Variants in SP140L observed in about 807,000 individuals in gnomAD.
SP140L encodes the protein nuclear body protein SP140-like protein.
Under a neutral mutation model 84.3 loss-of-function variants are expected in SP140L, and 64 were observed. That is an observed-to-expected ratio of 0.76 (90% CI 0.62 to 0.94). SP140L has a LOEUF of 0.94. Among genes scored for constraint, SP140L ranks in the 40% least tolerant of loss-of-function variants. The probability of loss-of-function intolerance (pLI) is 0.00; values close to 1 mark genes in which losing one functional copy is unlikely to be tolerated. For synonymous variants in SP140L, 242 were observed against 236.9 expected (o/e 1.02, Z -0.20); for missense variants, 628 against 692.5 (o/e 0.91, Z 1.05).
intron 5 of SP140L, among the ~76,000 whole-genome samples, chr2:230,367,690 G>A (rs1416395862): frequency 6.6e-6 from 1 of 152,210 alleles, no homozygotes; most frequent in African/African-American, 2.4e-5. Flanking sequence ...GCTCATGACT[G>A]TAATCCCAGC....
Position 230,401,346 on chromosome 2 carries a change from A to G in SP140L, c.1423-20A>G. The G allele has an allele frequency of 6.3e-7, 1 of 1,598,872 alleles. No individual in the cohort carries two copies. Among genetic ancestry groups the G allele is most frequent in the South Asian group, 1.1e-5 (1 of 88,236 alleles). ...ATTCTCTCCAAGCTGCTTTTCATTTACGGCCTCTTTCTTTTGCAGAAATGT... is the reference window on the plus strand; with the variant it reads ...ATTCTCTCCAAGCTGCTTTTCATTTGCGGCCTCTTTCTTTTGCAGAAATGT... On this transcript the variant is annotated intron_variant, in intron 16 of 18. Coordinates refer to ENST00000415673, the MANE Select transcript of SP140L (RefSeq NM_138402.6).
intron 2 of SP140L, among the ~76,000 whole-genome samples, 177 bp downstream of exon 2, chr2:230,329,008 C>T (rs1158522026): frequency 6.6e-6 from 1 of 152,094 alleles, no homozygotes; most frequent in Non-Finnish European, 1.5e-5. Context: ...GGAGAGTTCA[C>T]TAAATATTCT....
intron 2 of SP140L, among the ~76,000 whole-genome samples, chr2:230,347,855 G>T (rs1178066916): frequency 2.0e-5 from 3 of 152,242 alleles, no homozygotes; most frequent in Non-Finnish European, 4.4e-5. Context: ...TGCCTCTGCA[G>T]TTGGGCAGAG....
intron 4 of SP140L, 61 bp from the exon 5 acceptor site, chr2:230,361,553 C>G: frequency 4.5e-6 from 6 of 1,327,658 alleles, no homozygotes; most frequent in Non-Finnish European, 6.3e-6. Context: ...AGCCAATTTC[C>G]AGGTGTTGTC....
chr2:230,332,726 C>A (rs75000089), intron 2 of SP140L, among the ~76,000 whole-genome samples: 1 of 152,162 alleles, frequency 6.6e-6, no homozygotes, highest in Non-Finnish European at 1.5e-5. Context: ...TTCCCAGGCA[C>A]CCTGCAGAAT....
chr2:230,376,341 A>G (rs2061240200), intron 7 of SP140L, among the ~76,000 whole-genome samples: 1 of 152,210 alleles, frequency 6.6e-6, no homozygotes, highest in South Asian at 2.1e-4. Flanking sequence ...TCTTCTACGT[A>G]GAAAACCCTA....
intron 2 of SP140L, among the ~76,000 whole-genome samples, chr2:230,341,686 CTGTT>C (rs1401808462): frequency 6.6e-5 from 10 of 151,246 alleles, no homozygotes; most frequent in African/African-American, 2.4e-4. Flanking sequence ...GATGTCCTTT[CTGTT>C]TGTTAGTTTT....
At chr2:230,402,130 T>G (rs1311656410) in intron 18 of SP140L, among the ~76,000 whole-genome samples, 1 of 152,198 alleles carries the variant, frequency 6.6e-6, no homozygotes, top group African/African-American at 2.4e-5. Flanking sequence ...AAAGTGGTAT[T>G]GTGCTTCTTA....
At chr2:230,367,914 G>A (rs2060939657) in intron 5 of SP140L, among the ~76,000 whole-genome samples, 1 of 152,170 alleles carries the variant, frequency 6.6e-6, no homozygotes, top group Non-Finnish European at 1.5e-5. Flanking sequence ...CCTGGCAACA[G>A]AGAGAGAGAC....
rs558125931 is a variant in SP140L, at chr2:230,384,634, C to T, written c.704-590C>T. Among the ~76,000 whole-genome samples the T allele has an allele frequency of 1.3e-4, 20 of 152,108 alleles. 1 individual carries two copies. The Middle Eastern group carries it at 0.017, about 129-fold the overall frequency. ...TATTTTAAGAATGGGTGTTTTTGGC[C>T]GGGCATGGTGGCTCATGCCTGTAAC... On this transcript the variant is annotated intron_variant, in intron 8 of 18. Coordinates refer to ENST00000415673, the MANE Select transcript of SP140L (RefSeq NM_138402.6).
chr2:230,343,079 T>C (rs948659448), intron 2 of SP140L, among the ~76,000 whole-genome samples: 2 of 149,424 alleles, frequency 1.3e-5, no homozygotes, highest in Non-Finnish European at 3.0e-5. Context: ...TATTTGTCTT[T>C]CCTTTTTCTT....
At chr2:230,379,544 T>G (rs1227698984) in intron 7 of SP140L, among the ~76,000 whole-genome samples, 1 of 152,198 alleles carries the variant, frequency 6.6e-6, no homozygotes, top group Non-Finnish European at 1.5e-5. Flanking sequence ...GATATTTACT[T>G]AAATCAATTT....
Position 230,357,862 on chromosome 2 carries a change from G to T in SP140L, c.165G>T (p.Lys55Asn), listed in dbSNP as rs561322588. Reference protein sequence around the residue: ...DEGLVYDTVFKHFKRHKLEIS... With the variant: ...DEGLVYDTVFNHFKRHKLEIS... Reference sequence around the variant, plus strand: ...GACTTGTCTATGACACTGTATTCAAGCACTTCAAAAGACATAAGCTGGAGA... The same window carrying T: ...GACTTGTCTATGACACTGTATTCAATCACTTCAAAAGACATAAGCTGGAGA... Residue 55 changes from lysine to asparagine, a missense_variant, in exon 3 of 19, where the codon AAG (lysine) becomes AAT (asparagine). This residue lies in a region of SP140L where 525 missense variants were observed against 518.4 expected (regional missense o/e 1.01). Coordinates refer to ENST00000415673, the MANE Select transcript of SP140L (RefSeq NM_138402.6). 1.2e-6 allele frequency: 2 copies of T among 1,614,052 alleles called. No individual in the cohort carries two copies. The highest frequency in any genetic ancestry group is 2.2e-5 in the East Asian group (1 of 44,880).
chr2:230,329,882 G>A (rs567075477), intron 2 of SP140L, among the ~76,000 whole-genome samples: 1 of 152,234 alleles, frequency 6.6e-6, no homozygotes, highest in East Asian at 1.9e-4. Context: ...TTTTTGAGGA[G>A]GGATCTTAAT....
intron 2 of SP140L, among the ~76,000 whole-genome samples, chr2:230,338,778 G>C (rs1039781950): frequency 7.2e-6 from 1 of 139,572 alleles, no homozygotes; most frequent in African/African-American, 2.8e-5. Context: ...CTTTGGCTCT[G>C]TTTATATGCT....
intron 10 of SP140L, among the ~76,000 whole-genome samples, 190 bp from the exon 11 acceptor site, chr2:230,389,715 TGTGAAATTTGAAAG>T (rs1008984213): frequency 6.6e-6 from 1 of 152,238 alleles, no homozygotes; most frequent in African/African-American, 2.4e-5. Flanking sequence ...TTCAATTTTC[TGTGAAATTTGAAAG>T]GTGAAATTGG....
intron 2 of SP140L, among the ~76,000 whole-genome samples, chr2:230,354,952 GAGAA>G (rs1396894022): frequency 4.0e-5 from 6 of 151,566 alleles, no homozygotes; most frequent in East Asian, 2.0e-4. Context: ...AAGAAAGAAA[GAGAA>G]AGAAAGGGAA....
At chr2:230,346,391 T>C (rs558907825) in intron 2 of SP140L, among the ~76,000 whole-genome samples, 6 of 152,312 alleles carry the variant, frequency 3.9e-5, no homozygotes, top group East Asian at 3.9e-4. Flanking sequence ...TTGGGGAACT[T>C]TGGGCCTCAA....
intron 2 of SP140L, chr2:230,342,250 A>G (rs557008108): frequency 6.5e-6 from 1 of 154,210 alleles, no homozygotes; most frequent in Non-Finnish European, 1.4e-5. Context: ...GAGTGACCCG[A>G]TTTTCCAGGT....
Sources: allele counts gnomAD v4.1 joint callset (sites outside exome capture counted in the v4.1 genomes callset), GRCh38; gene constraint gnomAD v4.1.1; regional missense constraint gnomAD v4.1.1; transcripts MANE v1.5; gene names NCBI Gene and HGNC (gene_info 2026-07-23, HGNC 2026-07-21).